Variants in DMXL1 observed in about 807,000 individuals in gnomAD.
DMXL1 encodes the protein Dmx like 1.
Under a neutral mutation model 319.2 loss-of-function variants are expected in DMXL1, and 99 were observed. The ratio of observed to expected loss-of-function variants is 0.31; its 90% CI spans 0.26 to 0.37. The LOEUF is 0.37. Among genes scored for constraint, DMXL1 ranks in the 10% least tolerant of loss-of-function variants. The pLI is 1.00. For synonymous variants in DMXL1, 1,385 were observed against 1,235.2 expected (o/e 1.12, Z -2.54); for missense variants, 3,745 against 3,595.6 (o/e 1.04, Z -1.06).
intron 28 of DMXL1, among the ~76,000 whole-genome samples, chr5:119,181,474 C>T (rs1306759649): frequency 6.6e-6 from 1 of 152,134 alleles, no homozygotes; most frequent in African/African-American, 2.4e-5. Flanking sequence ...GGAATATATT[C>T]ACTGAATGAT....
Position 119,099,475 on chromosome 5 carries a change from C to T in DMXL1, c.213+1371C>T, listed in dbSNP as rs554556361. On this transcript the variant is annotated intron_variant, in intron 2 of 43. Coordinates refer to ENST00000539542, the MANE Select transcript of DMXL1 (RefSeq NM_001290321.3). ...TTGCCCTCCTTGGCCTCCCAAAGTG[C>T]TGGGATTACGTGAGCCACTGCGCCC... Among the ~76,000 whole-genome samples the T allele has an allele frequency of 2.6e-5, 4 of 152,274 alleles. No homozygotes were observed. The South Asian group carries it at 8.3e-4, about 32-fold the overall frequency.
At chr5:119,121,256 A>AT in intron 9 of DMXL1, 117 bp downstream of exon 9, 1 of 771,104 alleles carries the variant, frequency 1.3e-6, no homozygotes, top group Non-Finnish European at 1.8e-6. Flanking sequence ...GTCTTAGCCT[A>AT]TTTTTCTTTT....
chr5:119,162,480 T>G (rs983320673), intron 19 of DMXL1, among the ~76,000 whole-genome samples: 2 of 152,194 alleles, frequency 1.3e-5, no homozygotes, highest in African/African-American at 2.4e-5. Context: ...TGCTCCATAG[T>G]TGACACCTTC....
intron 13 of DMXL1, among the ~76,000 whole-genome samples, chr5:119,140,480 C>G (rs1012288134): frequency 6.6e-6 from 1 of 152,166 alleles, no homozygotes; most frequent in African/African-American, 2.4e-5. Flanking sequence ...ACTACGAACA[C>G]CTCTGTGCAC....
At chr5:119,182,779 T>C (rs866891225) in intron 28 of DMXL1, among the ~76,000 whole-genome samples, 1 of 152,176 alleles carries the variant, frequency 6.6e-6, no homozygotes, top group Non-Finnish European at 1.5e-5. Context: ...ATTTTTCTAA[T>C]TAACTAAAAC....
chr5:119,131,173 T>C (rs960127599), intron 10 of DMXL1, among the ~76,000 whole-genome samples: 2 of 151,480 alleles, frequency 1.3e-5, no homozygotes, highest in African/African-American at 4.8e-5. Context: ...TTTTTCTTAT[T>C]GATTTGTATA....
chr5:119,179,317 A>G (rs1776390228), intron 28 of DMXL1, among the ~76,000 whole-genome samples: 1 of 151,804 alleles, frequency 6.6e-6, no homozygotes, highest in Non-Finnish European at 1.5e-5. Flanking sequence ...AAAAAAAAAA[A>G]AAAAAGCCCT....
At chr5:119,153,118 A>T (rs1356817486) in intron 19 of DMXL1, among the ~76,000 whole-genome samples, 1 of 151,990 alleles carries the variant, frequency 6.6e-6, no homozygotes, top group East Asian at 1.9e-4. Context: ...CTGGGACTAC[A>T]GGCGCACACC....
intron 34 of DMXL1, among the ~76,000 whole-genome samples, chr5:119,216,347 G>C (rs1783697409): frequency 6.6e-6 from 1 of 151,946 alleles, no homozygotes; most frequent in African/African-American, 2.4e-5. Context: ...TACTCACTTG[G>C]GCAAGTTACA....
intron 38 of DMXL1, among the ~76,000 whole-genome samples, chr5:119,231,230 T>A (rs1326930827): frequency 6.6e-6 from 1 of 152,168 alleles, no homozygotes; most frequent in East Asian, 1.9e-4. Context: ...TATACTCATT[T>A]CTCTAGGAAA....
At chr5:119,076,302 G>A (rs941657973) in intron 1 of DMXL1, among the ~76,000 whole-genome samples, 1 of 152,152 alleles carries the variant, frequency 6.6e-6, no homozygotes, top group African/African-American at 2.4e-5. Flanking sequence ...TCAGCTTTCT[G>A]TAATAAGCAT....
In DMXL1 at chr5:119,084,281, G is replaced by A. The variant is rs368438693; in HGVS notation, c.87+12625G>A. 1.1e-4 allele frequency among the ~76,000 whole-genome samples: 16 copies of A among 152,050 alleles called. No individual in the cohort carries two copies. The East Asian group carries it at 1.2e-3, about 11-fold the overall frequency. On this transcript the variant is annotated intron_variant, in intron 1 of 43. Transcript: ENST00000539542. Reference sequence around the variant, plus strand: ...ATTACAGGTGCACACCATCATGCCCGGCTAATTTTTGTATTTATAGTAGAG... The same window carrying A: ...ATTACAGGTGCACACCATCATGCCCAGCTAATTTTTGTATTTATAGTAGAG...
At chr5:119,123,556 A>G (rs568553377) in intron 9 of DMXL1, among the ~76,000 whole-genome samples, 1 of 152,322 alleles carries the variant, frequency 6.6e-6, no homozygotes, top group South Asian at 2.1e-4. Context: ...CTTGTGATTT[A>G]GGATCTTGAT....
intron 36 of DMXL1, 127 bp downstream of exon 36, chr5:119,220,720 TA>T (rs1784503642): frequency 1.6e-6 from 2 of 1,258,710 alleles, no homozygotes; most frequent in Admixed American, 2.6e-5. Flanking sequence ...GCTGATGTGC[TA>T]AATGAGGGGT....
intron 1 of DMXL1, among the ~76,000 whole-genome samples, chr5:119,071,909 C>T (rs753799852): frequency 2.6e-5 from 4 of 152,144 alleles, no homozygotes; most frequent in African/African-American, 9.7e-5. Context: ...GTCTGTCTGC[C>T]TTGGGCCAGG....
In DMXL1 at chr5:119,221,048, T is replaced by C; in HGVS notation, c.8244T>C (p.Leu2748=). 1 of 1,613,748 alleles carries C rather than the reference T, an allele frequency of 6.2e-7. No homozygotes were observed. Among genetic ancestry groups the C allele is most frequent in the Non-Finnish European group, 8.5e-7 (1 of 1,179,814 alleles). ...NPGTPINMPW[L]GSTQTGRGAS... is the part of the protein sequence containing the mutation. ...GCACTCCAATCAACATGCCATGGCT[T>C]GGTAGTACACAGACTGGCAGAGGAG... is the stretch of plus-strand genomic sequence containing the variant. Residue 2748 remains leucine, a synonymous_variant, in exon 37 of 44, where the codon CTT becomes CTC. Transcript: ENST00000539542.
intron 1 of DMXL1, among the ~76,000 whole-genome samples, chr5:119,083,157 T>C (rs962987656): frequency 6.6e-6 from 1 of 152,060 alleles, no homozygotes; most frequent in Non-Finnish European, 1.5e-5. Context: ...ATTACAGGCA[T>C]GTGTCACCAT....
Position 119,177,986 on chromosome 5 carries a change from G to A in DMXL1, c.6887-10G>A. 1 of 1,578,376 alleles carries A rather than the reference G, an allele frequency of 6.3e-7. No individual in the cohort carries two copies. Among genetic ancestry groups the A allele is most frequent in the Non-Finnish European group, 8.6e-7 (1 of 1,160,214 alleles). ...TAGTCAGTGACAGCTATGTTTGTTT[G>A]TCGTTCTAGGAATAACTTGTCTAAT... On this transcript the variant is annotated splice_polypyrimidine_tract_variant and intron_variant, in intron 27 of 43. Coordinates refer to ENST00000539542, the MANE Select transcript of DMXL1 (RefSeq NM_001290321.3).
At chr5:119,072,925 T>G (rs575500959) in intron 1 of DMXL1, among the ~76,000 whole-genome samples, 2 of 152,174 alleles carry the variant, frequency 1.3e-5, no homozygotes, top group African/African-American at 4.8e-5. Context: ...TGCTCTCTGC[T>G]CTTGCTGCTT....
Sources: allele counts gnomAD v4.1 joint callset (sites outside exome capture counted in the v4.1 genomes callset), GRCh38; gene constraint gnomAD v4.1.1; transcripts MANE v1.5; gene names NCBI Gene and HGNC (gene_info 2026-07-23, HGNC 2026-07-21).